Variants in SMTNL1 observed in about 807,000 individuals in gnomAD.
The protein encoded by SMTNL1 is smoothelin-like protein 1.
Under a neutral mutation model 46.6 loss-of-function variants are expected in SMTNL1, and 41 were observed. The ratio of observed to expected loss-of-function variants is 0.88; its 90% CI spans 0.69 to 1.14. SMTNL1 has a LOEUF of 1.14. SMTNL1 is among the 50% of genes most tolerant of loss of function. SMTNL1 has a pLI of 0.00. For missense variants in SMTNL1, 591 were observed against 626.1 expected (o/e 0.94, Z 0.60); for synonymous variants, 234 against 234.2 (o/e 1.00, Z 0.01).
intron 4 of SMTNL1, among the ~76,000 whole-genome samples, chr11:57,545,072 G>A (rs1944911363): frequency 6.6e-6 from 1 of 151,828 alleles, no homozygotes; most frequent in Non-Finnish European, 1.5e-5. Flanking sequence ...CCTGACCTCA[G>A]GTGATCCACC....
In SMTNL1 at chr11:57,538,475, G is replaced by A. The variant is rs573700470; in HGVS notation, c.-3+833G>A. Among the ~76,000 whole-genome samples the A allele has an allele frequency of 1.5e-3, 224 of 152,322 alleles. 1 individual carries two copies. The highest frequency in any genetic ancestry group is 4.8e-3 in the African/African-American group (198 of 41,578). ...AAAGGAGAGAATAAGAAAGGAAGGT[G>A]GGGGCAGAGAAACTTTCATGAAGGG... On this transcript the variant is annotated intron_variant, in intron 1 of 7. Coordinates refer to ENST00000527972, the MANE Select transcript of SMTNL1 (RefSeq NM_001105565.3).
rs773286814 is a variant in SMTNL1 at position 57,543,870 on chromosome 11, TG to T, written c.870del (p.Leu291TrpfsTer6). ...CTCCCTCCTTTCACTTTCCTCCAGATGGGCTGGGTCCAGACTGTGTAGCTTC... is the reference window on the plus strand; with the variant it reads ...CTCCCTCCTTTCACTTTCCTCCAGATGGCTGGGTCCAGACTGTGTAGCTTC... ...TGEGHNLSTD[G>X]LGPDCVASGQ... On this transcript the variant is annotated frameshift_variant and splice_region_variant, in exon 4 of 8. Coordinates refer to ENST00000527972, the MANE Select transcript of SMTNL1 (RefSeq NM_001105565.3). LOFTEE classifies it high-confidence loss of function. 3.3e-5 allele frequency: 53 copies of T among 1,592,608 alleles called. No individual in the cohort carries two copies. The South Asian group carries it at 6.0e-4, about 18-fold the overall frequency.
intron 6 of SMTNL1, 74 bp downstream of exon 6, chr11:57,546,421 T>TGGGAGG: frequency 5.9e-6 from 1 of 170,652 alleles, no homozygotes; most frequent in Non-Finnish European, 8.5e-6. Context: ...CCCCAAAGGG[T>TGGGAGG]GGGAGGGTGG....
intron 7 of SMTNL1, among the ~76,000 whole-genome samples, chr11:57,549,731 C>G (rs1163012483): frequency 6.6e-6 from 1 of 152,130 alleles, no homozygotes; most frequent in East Asian, 1.9e-4. Context: ...CTGTCTACAT[C>G]CTGTGACCTA....
At chr11:57,538,806 C>T (rs188747518) in intron 1 of SMTNL1, among the ~76,000 whole-genome samples, 1 of 152,312 alleles carries the variant, frequency 6.6e-6, no homozygotes, top group Non-Finnish European at 1.5e-5. Context: ...CAAGAAATGA[C>T]CAAGAGAAAG....
Position 57,543,664 on chromosome 11 carries a change from A to G in SMTNL1, c.773A>G (p.Glu258Gly), listed in dbSNP as rs1237240534. The change falls in exon 3 of 8, where the codon GAA (glutamate) becomes GGA (glycine). Residue 258 changes from glutamate (E) to glycine (G), a missense_variant. Transcript: ENST00000527972. ...AGCGAAGAGCAGGAGCAGGACGTGG[A>G]AAAAGAGCCAGAGGGAGGGGCAGGG... ...SPSEEQEQDV[E>G]KEPEGGAGVI... The G allele has an allele frequency of 6.2e-7, 1 of 1,605,112 alleles. No homozygotes were observed. Among genetic ancestry groups the G allele is most frequent in the African/African-American group, 1.3e-5 (1 of 74,832 alleles).
chr11:57,542,281 G>C (rs1228831940), intron 1 of SMTNL1, among the ~76,000 whole-genome samples: 1 of 152,194 alleles, frequency 6.6e-6, no homozygotes, highest in East Asian at 1.9e-4. Context: ...CTGGATGACA[G>C]AGCGAGACCT....
chr11:57,540,296 AAT>A (rs909154833), intron 1 of SMTNL1, among the ~76,000 whole-genome samples: 14 of 152,284 alleles, frequency 9.2e-5, no homozygotes, highest in African/African-American at 2.9e-4. Flanking sequence ...GACAGAATTT[AAT>A]ATGTTGCCTA....
At chr11:57,544,723 G>C (rs75202267) in intron 4 of SMTNL1, among the ~76,000 whole-genome samples, 14,516 of 152,260 alleles carry the variant, frequency 0.095, 777 homozygotes, top group Middle Eastern at 0.23. Flanking sequence ...CTTTAGCCCA[G>C]TGCCTGGTCC....
In SMTNL1 at chr11:57,550,052, C is replaced by T. The variant is rs775544246; in HGVS notation, c.1425C>T (p.Tyr475=). The T allele has an allele frequency of 6.2e-7, 1 of 1,613,986 alleles. No individual in the cohort carries two copies. The highest frequency in any genetic ancestry group is 8.5e-7 in the Non-Finnish European group (1 of 1,179,876). The change falls in exon 8 of 8, where the codon TAC becomes TAT. Residue 475 remains tyrosine, a synonymous_variant. Transcript: ENST00000527972. ...AVPDSKCVYT[Y]IQELYRSLVQ... ...CCGACTCCAAGTGCGTCTACACATACATCCAGGAACTGTACCGCAGCCTTG... is the reference window on the plus strand; with the variant it reads ...CCGACTCCAAGTGCGTCTACACATATATCCAGGAACTGTACCGCAGCCTTG...
chr11:57,548,123 A>C (rs1295712173), intron 7 of SMTNL1, among the ~76,000 whole-genome samples: 1 of 152,178 alleles, frequency 6.6e-6, no homozygotes, highest in African/African-American at 2.4e-5. Context: ...CTGATAAAGC[A>C]TGAGGTGGGC....
rs142355688 is a variant in SMTNL1, at chr11:57,542,143, C to CAAAAAA, written c.-2-493_-2-492insAAAAAA. Among the ~76,000 whole-genome samples the CAAAAAA allele has an allele frequency of 7.0e-4, 104 of 148,918 alleles. 1 individual carries two copies. Among genetic ancestry groups the CAAAAAA allele is most frequent in the African/African-American group, 2.5e-3 (102 of 40,020 alleles). ...ACACACACACACACACACACACACACAAAAATTAGCCAGGTGTGGTGGTAA... is the reference window on the plus strand; with the variant it reads ...ACACACACACACACACACACACACACAAAAAAAAAAATTAGCCAGGTGTGGTGGTAA... On this transcript the variant is annotated intron_variant, in intron 1 of 7. Coordinates refer to ENST00000527972, the MANE Select transcript of SMTNL1 (RefSeq NM_001105565.3).
chr11:57,543,159 A>G lies in SMTNL1; in HGVS notation c.517A>G (p.Thr173Ala). The part of the protein sequence containing the change: ...KATVEEEDAK[T>A]ASQEETGQRK... The stretch of plus-strand genomic sequence containing the variant: ...AACAGTTGAGGAGGAGGACGCCAAG[A>G]CAGCCTCTCAGGAGGAGACAGGCCA... The change falls in exon 2 of 8, where the codon ACA becomes GCA. Residue 173 changes from threonine to alanine, a missense_variant. By Grantham distance (58) the Thr-to-Ala change is moderately conservative. Transcript: ENST00000527972. The G allele has an allele frequency of 6.2e-7, 1 of 1,613,738 alleles. No homozygotes were observed. Among genetic ancestry groups the G allele is most frequent in the Non-Finnish European group, 8.5e-7 (1 of 1,179,752 alleles).
intron 1 of SMTNL1, chr11:57,541,428 C>A: frequency 7.6e-7 from 1 of 1,309,542 alleles, no homozygotes; most frequent in Non-Finnish European, 1.0e-6. Flanking sequence ...GGCCCCCACA[C>A]ACCTGTTTTT....
At chr11:57,545,589 G>A (rs1327881485) in intron 4 of SMTNL1, among the ~76,000 whole-genome samples, 4 of 145,010 alleles carry the variant, frequency 2.8e-5, no homozygotes, top group Non-Finnish European at 4.5e-5. Flanking sequence ...TGGGCAACAA[G>A]AGCAAAGCTC....
chr11:57,547,248 G>A (rs576471411), intron 7 of SMTNL1, among the ~76,000 whole-genome samples: 1 of 152,346 alleles, frequency 6.6e-6, no homozygotes, highest in Non-Finnish European at 1.5e-5. Context: ...CTCCTGACCT[G>A]CAGGCTGTGA....
Position 57,543,669 on chromosome 11 carries a change from G to C in SMTNL1, c.778G>C (p.Glu260Gln). Residue 260 changes from glutamate (E) to glutamine (Q), a missense_variant, in exon 3 of 8, where the codon GAG becomes CAG. Transcript: ENST00000527972. Reference protein sequence around the residue: ...SEEQEQDVEKEPEGGAGVIPS... With the variant: ...SEEQEQDVEKQPEGGAGVIPS... ...AGAGCAGGAGCAGGACGTGGAAAAA[G>C]AGCCAGAGGGAGGGGCAGGGGTGAT... is the stretch of plus-strand genomic sequence containing the variant. 1 of 1,603,092 alleles carries C rather than the reference G, an allele frequency of 6.2e-7. No individual in the cohort carries two copies. Among genetic ancestry groups the C allele is most frequent in the Non-Finnish European group, 8.5e-7 (1 of 1,175,298 alleles).
At chr11:57,549,916 C>T (rs1224034364) in intron 7 of SMTNL1, 52 bp from the exon 8 acceptor site, 1 of 1,602,696 alleles carries the variant, frequency 6.2e-7, no homozygotes, top group East Asian at 2.2e-5. Context: ...CCCCTTGGCT[C>T]CCATATCCTT....
At chr11:57,540,732 A>C (rs1944867927) in intron 1 of SMTNL1, among the ~76,000 whole-genome samples, 1 of 127,954 alleles carries the variant, frequency 7.8e-6, no homozygotes, top group Non-Finnish European at 1.8e-5. Flanking sequence ...TTTTTTTGAG[A>C]CGGAGTCTCG....
Sources: allele counts gnomAD v4.1 joint callset (sites outside exome capture counted in the v4.1 genomes callset), GRCh38; gene constraint gnomAD v4.1.1; transcripts MANE v1.5; gene names NCBI Gene and HGNC (gene_info 2026-07-23, HGNC 2026-07-21).